Variants in ZFHX3 observed in about 807,000 individuals in gnomAD.
The protein encoded by ZFHX3 is zinc finger homeobox 3, also known as zinc finger homeobox protein 3.
Under a neutral mutation model 279.1 loss-of-function variants are expected in ZFHX3, and 42 were observed. That is an observed-to-expected ratio of 0.15 (90% CI 0.12 to 0.19). The LOEUF is 0.19. Among genes scored for constraint, ZFHX3 ranks in the 10% least tolerant of loss-of-function variants. The probability of loss-of-function intolerance (pLI) is 1.00; values close to 1 mark genes in which losing one functional copy is unlikely to be tolerated. For synonymous variants in ZFHX3, 2,293 were observed against 1,957.8 expected (o/e 1.17, Z -4.52); for missense variants, 4,981 against 4,754.0 (o/e 1.05, Z -1.40).
At chr16:73,018,911 T>C (rs1446055448) in intron 1 of ZFHX3, among the ~76,000 whole-genome samples, 2 of 152,242 alleles carry the variant, frequency 1.3e-5, no homozygotes, top group South Asian at 2.1e-4. Flanking sequence ...CACCCTAGTG[T>C]TGGGGCTCAA....
At chr16:73,681,222 G>T (rs1050447283) in intron 1 of ZFHX3, among the ~76,000 whole-genome samples, 7 of 152,100 alleles carry the variant, frequency 4.6e-5, no homozygotes, top group African/African-American at 1.7e-4. Context: ...AGGCAACATG[G>T]GAGAGAAAGG....
intron 7 of ZFHX3, among the ~76,000 whole-genome samples, chr16:73,124,376 T>C (rs1024427917): frequency 2.6e-5 from 4 of 152,118 alleles, no homozygotes; most frequent in Admixed American, 2.6e-4. Context: ...TTTTATAAGA[T>C]CACTAATTCC....
chr16:73,266,693 T>C (rs8048388), intron 4 of ZFHX3, among the ~76,000 whole-genome samples: 3,177 of 152,298 alleles, frequency 0.021, 123 homozygotes, highest in African/African-American at 0.073. Flanking sequence ...GGGAGGTAAC[T>C]GAATCCTGGG....
At position 73,446,290 on chromosome 16, in the gene ZFHX3, A is replaced by C. The variant is rs548063763; in HGVS notation, c.-1291+9713T>G. On this transcript the variant is annotated intron_variant, in intron 3 of 17. Coordinates refer to the ZFHX3 transcript ENST00000641206. ...AGACTGGGTAATCTATAAAGAAAAG[A>C]AGCTTAATTGACTCACAGTTCCTCA... 2.0e-5 allele frequency among the ~76,000 whole-genome samples: 3 copies of C among 152,294 alleles called. No homozygotes were observed. In the South Asian group the frequency reaches 6.2e-4, roughly 32 times the overall value.
chr16:72,892,803 C>T (rs1051115794), intron 3 of ZFHX3, among the ~76,000 whole-genome samples: 1 of 152,230 alleles, frequency 6.6e-6, no homozygotes, highest in African/African-American at 2.4e-5. Flanking sequence ...GCCACCGCAC[C>T]TGACCTCTGA....
At chr16:72,954,847 A>G (rs754386380) in intron 2 of ZFHX3, among the ~76,000 whole-genome samples, 16 of 152,214 alleles carry the variant, frequency 1.1e-4, no homozygotes, top group Non-Finnish European at 2.1e-4. Flanking sequence ...TGATGATACT[A>G]AAGAGGGCTC....
At chr16:73,866,385 C>A (rs1409164893) in intron 1 of ZFHX3, among the ~76,000 whole-genome samples, 1 of 151,510 alleles carries the variant, frequency 6.6e-6, no homozygotes, top group Non-Finnish European at 1.5e-5. Context: ...CACCATGTTG[C>A]CCTGGTGGGT....
rs140265242 is a variant in ZFHX3 at position 73,310,538 on chromosome 16, T to A, written c.-1194+7702A>T. ...GGAAATTTAGTAATGTCCAGAGACA[T>A]TTTTTTGTTGTCACAACTGGGGTGG... On this transcript the variant is annotated intron_variant, in intron 4 of 17. Coordinates refer to the ZFHX3 transcript ENST00000641206. Among the ~76,000 whole-genome samples, 7 of 152,196 alleles carry A rather than the reference T, an allele frequency of 4.6e-5. No homozygotes were observed. The East Asian group carries it at 1.2e-3, about 25-fold the overall frequency.
intron 1 of ZFHX3, among the ~76,000 whole-genome samples, chr16:72,984,661 T>C (rs1597054665): frequency 6.7e-6 from 1 of 149,822 alleles, no homozygotes; most frequent in African/African-American, 2.5e-5. Context: ...GGAGATGTGG[T>C]AGATGGCTTA....
chr16:72,896,960 CTG>C (rs1268632010), intron 3 of ZFHX3, among the ~76,000 whole-genome samples: 2 of 152,396 alleles, frequency 1.3e-5, no homozygotes, highest in Admixed American at 1.3e-4. Flanking sequence ...TCTCGGCACA[CTG>C]TGCTGTGCAC....
chr16:73,314,336 A>G (rs531164403), intron 4 of ZFHX3, among the ~76,000 whole-genome samples: 1 of 152,314 alleles, frequency 6.6e-6, no homozygotes, highest in Admixed American at 6.5e-5. Flanking sequence ...CTCCTTGTGA[A>G]CCAGTTCCTT....
At chr16:73,282,507 G>T (rs1253772441) in intron 4 of ZFHX3, among the ~76,000 whole-genome samples, 3 of 152,080 alleles carry the variant, frequency 2.0e-5, no homozygotes, top group African/African-American at 7.2e-5. Context: ...AACATCAATT[G>T]TCTTTATATT....
At chr16:72,836,571 G>C (rs1041297043) in intron 4 of ZFHX3, among the ~76,000 whole-genome samples, 1 of 151,986 alleles carries the variant, frequency 6.6e-6, no homozygotes, top group Non-Finnish European at 1.5e-5. Context: ...CTTAGTAAAG[G>C]TGACTGCATG....
At chr16:73,336,339 G>A (rs572187795) in intron 3 of ZFHX3, among the ~76,000 whole-genome samples, 35 of 152,058 alleles carry the variant, frequency 2.3e-4, no homozygotes, top group Admixed American at 1.7e-3. Context: ...TCCATCACCC[G>A]GACAATAAGC....
chr16:73,159,692 A>G (rs1436409036), intron 5 of ZFHX3, among the ~76,000 whole-genome samples: 1 of 152,204 alleles, frequency 6.6e-6, no homozygotes, highest in Non-Finnish European at 1.5e-5. Flanking sequence ...ATACTTTGTT[A>G]TTATGGCAAA....
intron 5 of ZFHX3, among the ~76,000 whole-genome samples, chr16:73,211,196 T>G (rs1400155281): frequency 6.6e-6 from 1 of 152,156 alleles, no homozygotes; most frequent in Non-Finnish European, 1.5e-5. Context: ...GCCCCCCAAC[T>G]TTCTTCACAA....
At chr16:73,577,787 C>T (rs376630643) in intron 2 of ZFHX3, among the ~76,000 whole-genome samples, 12 of 152,070 alleles carry the variant, frequency 7.9e-5, no homozygotes, top group African/African-American at 2.4e-4. Flanking sequence ...CCTTATGTTC[C>T]GCCATAGTTT....
chr16:73,294,346 C>T (rs2014850653), intron 4 of ZFHX3: 1 of 152,322 alleles, frequency 6.6e-6, no homozygotes, highest in Middle Eastern at 3.4e-3. Flanking sequence ...GCCTCAAAGC[C>T]TCTCCCAAGA....
chr16:73,559,949 ATAT>A (rs968299924), intron 2 of ZFHX3, among the ~76,000 whole-genome samples: 33 of 152,256 alleles, frequency 2.2e-4, no homozygotes, highest in Admixed American at 9.8e-4. Context: ...TATAAGACAA[ATAT>A]TATCTGTTCT....
Sources: allele counts gnomAD v4.1 joint callset (sites outside exome capture counted in the v4.1 genomes callset), GRCh38; gene constraint gnomAD v4.1.1; transcripts MANE v1.5; gene names NCBI Gene and HGNC (gene_info 2026-07-23, HGNC 2026-07-21).